The following SAMMSON variants were observed in gnomAD, a reference collection of about 807,000 sequenced individuals.
SAMMSON encodes long intergenic non-protein coding RNA 1212.
intron 3 of SAMMSON, among the ~76,000 whole-genome samples, chr3:70,043,672 T>C (rs1410838080): frequency 6.6e-6 from 1 of 152,150 alleles, no homozygotes; most frequent in Non-Finnish European, 1.5e-5. Flanking sequence ...GCTTTGTGTT[T>C]ATAAACTGAT....
chr3:70,360,196 A>C (rs1702861230), intron 9 of SAMMSON, among the ~76,000 whole-genome samples: 1 of 152,154 alleles, frequency 6.6e-6, no homozygotes, highest in Admixed American at 6.6e-5. Flanking sequence ...GGAGAAGAGC[A>C]AAAGATCTCC....
At chr3:70,349,005 G>A (rs541149816) in intron 7 of SAMMSON, among the ~76,000 whole-genome samples, 2 of 152,062 alleles carry the variant, frequency 1.3e-5, no homozygotes, top group Non-Finnish European at 2.9e-5. Context: ...AAGATGCTGC[G>A]GCTTGGTGTG....
chr3:70,159,755 C>T (rs2106692298), intron 4 of SAMMSON: 1 of 152,108 alleles, frequency 6.6e-6, no homozygotes, highest in Non-Finnish European at 1.5e-5. Context: ...GGCGGGGTTT[C>T]ACCATGTTGG....
intron 3 of SAMMSON, among the ~76,000 whole-genome samples, chr3:70,041,325 A>G (rs2067105636): frequency 6.6e-6 from 1 of 152,140 alleles, no homozygotes; most frequent in Non-Finnish European, 1.5e-5. Context: ...TAGGAATCAA[A>G]TCACTTTGTC....
intron 7 of SAMMSON, among the ~76,000 whole-genome samples, chr3:70,311,137 A>G (rs752452252): frequency 1.8e-4 from 27 of 152,218 alleles, no homozygotes; most frequent in Non-Finnish European, 3.8e-4. Flanking sequence ...AGCAATTTTT[A>G]AGAATGTCAA....
At chr3:70,207,019 A>G (rs1233194757) in intron 4 of SAMMSON, among the ~76,000 whole-genome samples, 3 of 149,526 alleles carry the variant, frequency 2.0e-5, no homozygotes, top group African/African-American at 7.5e-5. Flanking sequence ...GGTAATTTGT[A>G]ACACTTATTT....
intron 4 of SAMMSON, among the ~76,000 whole-genome samples, chr3:70,138,909 T>C (rs1000763912): frequency 7.2e-5 from 11 of 152,080 alleles, no homozygotes; most frequent in Non-Finnish European, 1.2e-4. Flanking sequence ...AGAGACAGAG[T>C]CTCACACTGT....
chr3:70,134,356 T>A (rs1212521580), intron 4 of SAMMSON, among the ~76,000 whole-genome samples: 3 of 151,368 alleles, frequency 2.0e-5, no homozygotes, highest in Non-Finnish European at 2.9e-5. Flanking sequence ...ATGATTTTTT[T>A]AACTTTTTTT....
At chr3:70,188,869 C>T (rs1222539765) in intron 4 of SAMMSON, among the ~76,000 whole-genome samples, 1 of 152,156 alleles carries the variant, frequency 6.6e-6, no homozygotes, top group East Asian at 1.9e-4. Context: ...CAATGTTTGT[C>T]TGCAGTCTGC....
intron 6 of SAMMSON, among the ~76,000 whole-genome samples, chr3:70,254,907 C>T (rs769238580): frequency 1.5e-4 from 23 of 152,196 alleles, no homozygotes; most frequent in East Asian, 3.9e-4. Context: ...TTTCCTTTTC[C>T]GACTGTAACA....
intron 3 of SAMMSON, chr3:70,014,687 CTT>C (rs1317827797): frequency 6.6e-6 from 1 of 152,232 alleles, no homozygotes; most frequent in East Asian, 1.9e-4. Context: ...ACCACCCTGT[CTT>C]TCCTCCAACT....
intron 9 of SAMMSON, among the ~76,000 whole-genome samples, chr3:70,364,088 T>C (rs1001022545): frequency 1.3e-5 from 2 of 151,894 alleles, no homozygotes; most frequent in Non-Finnish European, 2.9e-5. Flanking sequence ...ATTCCTACAA[T>C]GTACAGCATA....
At chr3:70,262,708 G>A (rs907081281) in intron 6 of SAMMSON, among the ~76,000 whole-genome samples, 5 of 152,066 alleles carry the variant, frequency 3.3e-5, no homozygotes, top group Non-Finnish European at 7.4e-5. Flanking sequence ...GCCTTGCTTG[G>A]GGTTATTGGA....
At chr3:70,422,203 A>C (rs1701318695) in intron 2 of SAMMSON, among the ~76,000 whole-genome samples, 1 of 152,050 alleles carries the variant, frequency 6.6e-6, no homozygotes, top group Admixed American at 6.5e-5. Flanking sequence ...CAGAGGCATA[A>C]AATGAAAAAA....
intron 2 of SAMMSON, among the ~76,000 whole-genome samples, chr3:70,422,935 T>C (rs1384079796): frequency 1.3e-5 from 2 of 151,940 alleles, no homozygotes; most frequent in African/African-American, 2.4e-5. Context: ...AACCATATTA[T>C]AATAAAAATT....
At chr3:70,375,402 G>T (rs1475181768) in intron 9 of SAMMSON, among the ~76,000 whole-genome samples, 7 of 133,594 alleles carry the variant, frequency 5.2e-5, no homozygotes, top group African/African-American at 8.2e-5. Flanking sequence ...GTTTTTTGTT[G>T]TTTTTTTTTT....
At chr3:70,087,393 A>C (rs918081075) in intron 4 of SAMMSON, among the ~76,000 whole-genome samples, 1 of 152,190 alleles carries the variant, frequency 6.6e-6, no homozygotes, top group African/African-American at 2.4e-5. Flanking sequence ...CACTTTAGGT[A>C]CATATTCTTG....
intron 2 of SAMMSON, among the ~76,000 whole-genome samples, chr3:70,424,125 CT>C (rs1369468532): frequency 6.6e-6 from 1 of 152,138 alleles, no homozygotes; most frequent in Admixed American, 6.5e-5. Context: ...ATATTCAAAA[CT>C]CTATGTACAT....
chr3:70,046,870 C>G (rs2067128645), intron 3 of SAMMSON, among the ~76,000 whole-genome samples: 1 of 152,058 alleles, frequency 6.6e-6, no homozygotes, highest in African/African-American at 2.4e-5. Flanking sequence ...CCCTGTTCAT[C>G]CCTCTGGCTC....
Sources: gnomAD v4.1 joint callset for allele counts (sites outside exome capture counted in the v4.1 genomes callset) on GRCh38, gnomAD v4.1.1 for gene constraint, MANE v1.5 for transcripts, NCBI Gene and HGNC (gene_info 2026-07-23, HGNC 2026-07-21) for gene names.